Variants in ADK observed in about 807,000 individuals in gnomAD.
The protein encoded by ADK is adenosine kinase, also known as N6,N6-dimethyladenosine kinase.
A neutral mutation model predicts 44.7 loss-of-function variants in ADK; 24 were observed. That is an observed-to-expected ratio of 0.54 (90% CI 0.39 to 0.76). The LOEUF (loss-of-function observed/expected upper bound fraction) is 0.76, where lower values mean the gene tolerates loss of function less well. ADK is among the 30% of genes least tolerant of loss of function. ADK has a pLI of 0.00. For synonymous variants in ADK, 128 were observed against 142.6 expected (o/e 0.90, Z 0.73); for missense variants, 321 against 425.1 (o/e 0.76, Z 2.15).
At chr10:74,478,266 C>T (rs1041708952) in intron 6 of ADK, among the ~76,000 whole-genome samples, 1 of 152,180 alleles carries the variant, frequency 6.6e-6, no homozygotes, top group Non-Finnish European at 1.5e-5. Flanking sequence ...CACTCCCAGG[C>T]TAGAGTGCAG....
At position 74,177,679 on chromosome 10, in the gene ADK, A is replaced by T. The variant is rs535753636; in HGVS notation, c.66-23085A>T. On this transcript the variant is annotated intron_variant, in intron 1 of 10. Coordinates refer to ENST00000539909, the MANE Select transcript of ADK (RefSeq NM_006721.4). The stretch of plus-strand genomic sequence containing the variant: ...ACCCAGTGTTCTGACTGGCCTTTTT[A>T]AAAGCAGAACTTGGGCTTTGTTGTC... 3.3e-5 allele frequency among the ~76,000 whole-genome samples: 5 copies of T among 152,226 alleles called. No individual in the cohort carries two copies. In the East Asian group the frequency reaches 7.7e-4, roughly 24 times the overall value.
At chr10:74,605,089 A>C (rs1470062388) in intron 9 of ADK, among the ~76,000 whole-genome samples, 1 of 152,106 alleles carries the variant, frequency 6.6e-6, no homozygotes, top group Non-Finnish European at 1.5e-5. Context: ...TTGCACATTG[A>C]TTTTGTATCC....
intron 6 of ADK, among the ~76,000 whole-genome samples, chr10:74,411,327 A>T (rs1844168265): frequency 6.6e-6 from 1 of 152,194 alleles, no homozygotes; most frequent in Non-Finnish European, 1.5e-5. Context: ...ATGTTTAATA[A>T]TTTTATTTGA....
chr10:74,262,764 A>G (rs1846084431), intron 3 of ADK, among the ~76,000 whole-genome samples: 1 of 152,246 alleles, frequency 6.6e-6, no homozygotes, highest in South Asian at 2.1e-4. Flanking sequence ...GTAGGAGTGT[A>G]ATTGATAAAA....
chr10:74,230,516 G>A (rs1844720072), intron 3 of ADK, among the ~76,000 whole-genome samples: 1 of 150,874 alleles, frequency 6.6e-6, no homozygotes, highest in Non-Finnish European at 1.5e-5. Context: ...TTGTCACCCA[G>A]GCTAGAAAAC....
At chr10:74,581,272 TAGA>T (rs900307881) in intron 7 of ADK, among the ~76,000 whole-genome samples, 3 of 152,050 alleles carry the variant, frequency 2.0e-5, no homozygotes, top group Non-Finnish European at 4.4e-5. Flanking sequence ...ACCTAATTTC[TAGA>T]AATAAAAAAT....
At chr10:74,207,249 G>A (rs1400229835) in intron 2 of ADK, among the ~76,000 whole-genome samples, 1 of 152,204 alleles carries the variant, frequency 6.6e-6, no homozygotes, top group Non-Finnish European at 1.5e-5. Flanking sequence ...AGAAACCACA[G>A]AGCCCCAAAG....
At chr10:74,307,652 A>C (rs1592022843) in intron 3 of ADK, among the ~76,000 whole-genome samples, 1 of 152,198 alleles carries the variant, frequency 6.6e-6, no homozygotes, top group East Asian at 1.9e-4. Flanking sequence ...CTGATGAGTG[A>C]CATTTTTTGA....
intron 9 of ADK, among the ~76,000 whole-genome samples, chr10:74,607,421 G>A (rs1032768611): frequency 2.6e-5 from 4 of 152,150 alleles, no homozygotes; most frequent in Non-Finnish European, 5.9e-5. Context: ...TGTAAGGCAG[G>A]CCTGGTGGTG....
At chr10:74,383,083 G>C (rs1843026457) in intron 4 of ADK, among the ~76,000 whole-genome samples, 1 of 151,688 alleles carries the variant, frequency 6.6e-6, no homozygotes, top group Non-Finnish European at 1.5e-5. Context: ...TGACTTAGAA[G>C]TAACAATAAC....
intron 7 of ADK, among the ~76,000 whole-genome samples, chr10:74,547,225 C>G (rs570828092): frequency 3.0e-4 from 45 of 151,888 alleles, no homozygotes; most frequent in African/African-American, 1.1e-3. Flanking sequence ...TCTAGCTGTC[C>G]CAAGAATGTT....
chr10:74,155,317 C>T (rs1024857362), intron 1 of ADK, among the ~76,000 whole-genome samples: 1 of 151,684 alleles, frequency 6.6e-6, no homozygotes, highest in Non-Finnish European at 1.5e-5. Context: ...ACCCTCGAAT[C>T]TTTAAAAAAA....
intron 1 of ADK, among the ~76,000 whole-genome samples, chr10:74,170,973 C>A (rs1044375984): frequency 2.0e-5 from 3 of 151,964 alleles, no homozygotes; most frequent in African/African-American, 4.8e-5. Context: ...TCTTTCCAAT[C>A]ATTTTTTTCT....
chr10:74,471,978 A>C (rs761244325), intron 6 of ADK, among the ~76,000 whole-genome samples: 21 of 152,078 alleles, frequency 1.4e-4, no homozygotes, highest in Non-Finnish European at 2.8e-4. Context: ...CTCTGTTTCC[A>C]ACTTGTATGC....
intron 7 of ADK, among the ~76,000 whole-genome samples, chr10:74,580,726 C>A (rs1416377607): frequency 6.6e-6 from 1 of 152,134 alleles, no homozygotes; most frequent in Non-Finnish European, 1.5e-5. Context: ...AAACCTCTTT[C>A]TTTTGTAAAC....
intron 4 of ADK, among the ~76,000 whole-genome samples, chr10:74,380,293 A>G (rs1257276216): frequency 7.2e-5 from 11 of 152,206 alleles, no homozygotes; most frequent in Middle Eastern, 3.2e-3. Flanking sequence ...GACTGACTCA[A>G]TTAATGAACA....
At chr10:74,537,785 G>A (rs188705140) in intron 7 of ADK, among the ~76,000 whole-genome samples, 4 of 152,210 alleles carry the variant, frequency 2.6e-5, no homozygotes, top group Non-Finnish European at 5.9e-5. Flanking sequence ...TAACTCCACA[G>A]TGAAAAGTCA....
At chr10:74,593,955 A>G (rs1166687633) in intron 8 of ADK, among the ~76,000 whole-genome samples, 1 of 152,202 alleles carries the variant, frequency 6.6e-6, no homozygotes, top group Non-Finnish European at 1.5e-5. Flanking sequence ...TCCTATGGGT[A>G]TATATCCAGT....
chr10:74,621,776 T>G (rs1025631006), intron 9 of ADK, among the ~76,000 whole-genome samples: 1 of 152,156 alleles, frequency 6.6e-6, no homozygotes, highest in Non-Finnish European at 1.5e-5. Context: ...CCATAATAAA[T>G]TATAGAGCTT....
Sources: gnomAD v4.1 joint callset for allele counts (sites outside exome capture counted in the v4.1 genomes callset) on GRCh38, gnomAD v4.1.1 for gene constraint, MANE v1.5 for transcripts, NCBI Gene and HGNC (gene_info 2026-07-23, HGNC 2026-07-21) for gene names.